LSM11: variants seen among roughly 807,000 people sequenced by gnomAD.
LSM11 encodes the protein U7 snRNA-associated Sm-like protein LSm11.
A neutral mutation model predicts 28.1 loss-of-function variants in LSM11; 14 were observed. That is an observed-to-expected ratio of 0.50 (90% confidence interval 0.33 to 0.78). The LOEUF is 0.78. Ranked by LOEUF, LSM11 falls within the 30% of genes least tolerant of loss-of-function variation. The pLI is 0.02. For missense variants in LSM11, 495 were observed against 510.6 expected (o/e 0.97, Z 0.30); for synonymous variants, 207 against 214.2 (o/e 0.97, Z 0.30).
rs866761872 is a variant in LSM11, at chr5:157,743,776, G to A, written c.26G>A (p.Arg9Lys). Residue 9 changes from arginine (R) to lysine (K), a missense_variant, in exon 1 of 4, where the codon AGG (arginine) becomes AAG (lysine). By Grantham distance (26) the Arg-to-Lys change is conservative. Transcript: ENST00000286307. MEERERGA[R>K]SAGAGSPARP... ...ATGGAGGAGCGGGAGCGGGGGGCGAGGTCGGCTGGCGCCGGGAGCCCCGCG... is the reference window on the plus strand; with the variant it reads ...ATGGAGGAGCGGGAGCGGGGGGCGAAGTCGGCTGGCGCCGGGAGCCCCGCG... 4.9e-6 allele frequency: 7 copies of A among 1,417,018 alleles called. No homozygotes were observed. The highest frequency in any genetic ancestry group is 5.5e-6 in the Non-Finnish European group (6 of 1,087,840). 87.8% of individuals were successfully genotyped at this position (1,417,018 alleles called of 1,614,324 possible).
Position 157,755,130 on chromosome 5 carries a change from A to G in LSM11, c.949A>G (p.Thr317Ala). Residue 317 changes from threonine (T) to alanine (A), a missense_variant, in exon 4 of 4, where the codon ACC becomes GCC. Physicochemically the swap from Thr to Ala is moderately conservative, Grantham distance 58. Coordinates refer to ENST00000286307, the MANE Select transcript of LSM11 (RefSeq NM_173491.4). ...TGTGGGAGGTACCTTTTCCAGGGCTACCACCCTTTCCAGAGGCCAGTCCCG... is the reference window on the plus strand; with the variant it reads ...TGTGGGAGGTACCTTTTCCAGGGCTGCCACCCTTTCCAGAGGCCAGTCCCG... ...SSVGGTFSRA[T>A]TLSRGQSRKK... 1 of 1,614,220 alleles carries G rather than the reference A, an allele frequency of 6.2e-7. No homozygotes were observed. Among genetic ancestry groups the G allele is most frequent in the Non-Finnish European group, 8.5e-7 (1 of 1,180,050 alleles).
chr5:157,745,784 A>G (rs186287385), intron 1 of LSM11, among the ~76,000 whole-genome samples: 148 of 152,296 alleles, frequency 9.7e-4, no homozygotes, highest in Middle Eastern at 6.8e-3. Context: ...AATTTTCACC[A>G]TGGCACTGCA....
At chr5:157,747,598 G>T in intron 1 of LSM11, 1 of 219,492 alleles carries the variant, frequency 4.6e-6, no homozygotes. Context: ...ATTTGTTTGA[G>T]TCCTGTTGTT....
intron 3 of LSM11, 123 bp from the exon 4 acceptor site, chr5:157,754,731 T>TA (rs1407818149): frequency 5.3e-6 from 4 of 757,056 alleles, no homozygotes; most frequent in Admixed American, 6.5e-5. Flanking sequence ...TACTAACTTT[T>TA]AAAAAATTGC....
chr5:157,751,552 G>T, intron 2 of LSM11, 23 bp downstream of exon 2: 2 of 1,606,734 alleles, frequency 1.2e-6, no homozygotes, highest in Non-Finnish European at 1.7e-6. Flanking sequence ...TTCTCAAGGG[G>T]CTGGAGAACC....
In LSM11 at chr5:157,758,466, T is replaced by C. The variant is rs1258065469; in HGVS notation, c.*3202T>C. The C allele has an allele frequency of 6.6e-6, 1 of 152,156 alleles. No homozygotes were observed. Among genetic ancestry groups the C allele is most frequent in the Non-Finnish European group, 1.5e-5 (1 of 68,018 alleles). The allele number at this position is 152,156 out of a possible 1,614,324, so 9.4% of individuals were successfully genotyped here. A position where few individuals can be genotyped will look rare whatever the true frequency, so the allele number is the denominator to read the frequency against. On this transcript the variant is annotated 3_prime_UTR_variant, in exon 4 of 4. Transcript: ENST00000286307. ...AAAGAAAAAGTAGGTCCCAATAATA[T>C]ATGTGCTATTCAAAAAATGTGATCA...
In LSM11 at chr5:157,758,693, G is replaced by C. The variant is rs1452577008; in HGVS notation, c.*3429G>C. The C allele has an allele frequency of 1.3e-5, 2 of 152,118 alleles. No individual in the cohort carries two copies. The highest frequency in any genetic ancestry group is 3.9e-4 in the East Asian group (2 of 5,190). The allele number at this position is 152,118 out of a possible 1,614,324, so 9.4% of individuals were successfully genotyped here. Reference sequence around the variant, plus strand: ...AGAATTCTCCAGGGATTTGGGCTTGGGAAACTTGGTAAGAATAGTTTTTAT... The same window carrying C: ...AGAATTCTCCAGGGATTTGGGCTTGCGAAACTTGGTAAGAATAGTTTTTAT... On this transcript the variant is annotated 3_prime_UTR_variant, in exon 4 of 4. Transcript: ENST00000286307.
In LSM11 at chr5:157,756,566, G is replaced by T. The variant is rs1379144530; in HGVS notation, c.*1302G>T. ...AAAACTTTCCCCTGCTGTATTTGTTGTGTAACATAAATAAGCCTTCTGAGA... is the reference window on the plus strand; with the variant it reads ...AAAACTTTCCCCTGCTGTATTTGTTTTGTAACATAAATAAGCCTTCTGAGA... On this transcript the variant is annotated 3_prime_UTR_variant, in exon 4 of 4. Coordinates refer to ENST00000286307, the MANE Select transcript of LSM11 (RefSeq NM_173491.4). 5 of 152,522 alleles carry T rather than the reference G, an allele frequency of 3.3e-5. No individual in the cohort carries two copies. The highest frequency in any genetic ancestry group is 2.6e-4 in the Admixed American group (4 of 15,272). The allele number at this position is 152,522 out of a possible 1,614,324, so 9.4% of individuals were successfully genotyped here.
intron 1 of LSM11, among the ~76,000 whole-genome samples, chr5:157,750,789 G>A (rs1196624931): frequency 6.6e-6 from 1 of 152,174 alleles, no homozygotes; most frequent in Non-Finnish European, 1.5e-5. Flanking sequence ...CCGTGTGTGT[G>A]TGTGTTTCTC....
At chr5:157,749,596 A>G (rs1051557162) in intron 1 of LSM11, among the ~76,000 whole-genome samples, 2 of 139,544 alleles carry the variant, frequency 1.4e-5, no homozygotes, top group African/African-American at 2.7e-5. Flanking sequence ...GCGCACACAC[A>G]CACACACACA....
At position 157,755,232 on chromosome 5, in the gene LSM11, G is replaced by A. The variant is rs750208712; in HGVS notation, c.1051G>A (p.Glu351Lys). 4 of 1,614,046 alleles carry A rather than the reference G, an allele frequency of 2.5e-6. No homozygotes were observed. The highest frequency in any genetic ancestry group is 3.3e-5 in the Admixed American group (2 of 60,004). ...RHINQIFIRGENVLLVHLAQ is the reference protein window; with the variant it reads ...RHINQIFIRGKNVLLVHLAQ ...CATAAATCAGATTTTCATTCGAGGC[G>A]AGAATGTCCTGCTGGTTCATCTTGC... The change falls in exon 4 of 4, where the codon GAG becomes AAG. Residue 351 changes from glutamate (E) to lysine (K), a missense_variant. Glu to Lys is a moderately conservative substitution (Grantham distance 56). Coordinates refer to ENST00000286307, the MANE Select transcript of LSM11 (RefSeq NM_173491.4).
chr5:157,753,138 T>C (rs1308878460), intron 2 of LSM11, among the ~76,000 whole-genome samples: 1 of 152,202 alleles, frequency 6.6e-6, no homozygotes, highest in Non-Finnish European at 1.5e-5. Context: ...ACACTGTTAG[T>C]AAGTGGAAGT....
Position 157,755,124 on chromosome 5 carries a change from A to G in LSM11, c.943A>G (p.Arg315Gly), listed in dbSNP as rs757024591. The G allele has an allele frequency of 4.3e-6, 7 of 1,614,206 alleles. No individual in the cohort carries two copies. In the South Asian group the frequency reaches 6.6e-5, roughly 15 times the overall value. The change falls in exon 4 of 4, where the codon AGG (arginine) becomes GGG (glycine). Residue 315 changes from arginine to glycine, a missense_variant. Transcript: ENST00000286307. ...DGSSVGGTFS[R>G]ATTLSRGQSR... ...CTCCAGTGTGGGAGGTACCTTTTCC[A>G]GGGCTACCACCCTTTCCAGAGGCCA...
chr5:157,755,061 A>C lies in LSM11; in HGVS notation c.880A>C (p.Arg294=). 1 of 1,614,216 alleles carries C rather than the reference A, an allele frequency of 6.2e-7. No homozygotes were observed. The highest frequency in any genetic ancestry group is 8.5e-7 in the Non-Finnish European group (1 of 1,180,038). ...GCAGGCCTCTGCAAGGGAGGAGTCC[A>C]GGTCAGAGCTGTCAGGGAGGACTAC... The part of the protein sequence containing the change: ...SLQASAREES[R]SELSGRTTRT... The change falls in exon 4 of 4, where the codon AGG becomes CGG. Residue 294 remains arginine, a synonymous_variant. Coordinates refer to ENST00000286307, the MANE Select transcript of LSM11 (RefSeq NM_173491.4).
rs1242802085 is a variant in LSM11, at chr5:157,760,145, G to A, written c.*4881G>A. 6.6e-6 allele frequency: 1 copy of A among 152,168 alleles called. No homozygotes were observed. The highest frequency in any genetic ancestry group is 1.5e-5 in the Non-Finnish European group (1 of 68,032). 9.4% of individuals were successfully genotyped at this position (152,168 alleles called of 1,614,324 possible). A position where few individuals can be genotyped will look rare whatever the true frequency, so the allele number is the denominator to read the frequency against. On this transcript the variant is annotated 3_prime_UTR_variant, in exon 4 of 4. Transcript: ENST00000286307. The stretch of plus-strand genomic sequence containing the variant: ...ACTGTCCCTTAGGAAAGCCATAAAA[G>A]TGATTCCCAATACTTTGCAATTGCT...
rs1761098181 is a variant in LSM11, at chr5:157,743,748, A to C, written c.-3A>C. 7.3e-7 allele frequency: 1 copy of C among 1,369,492 alleles called. No individual in the cohort carries two copies. Among genetic ancestry groups the C allele is most frequent in the Non-Finnish European group, 9.4e-7 (1 of 1,062,058 alleles). 84.8% of individuals were successfully genotyped at this position (1,369,492 alleles called of 1,614,324 possible). ...TCGGCCTCGGCTTGCGGGCCTTTCA[A>C]ACATGGAGGAGCGGGAGCGGGGGGC... On this transcript the variant is annotated 5_prime_UTR_variant, in exon 1 of 4. Transcript: ENST00000286307.
At chr5:157,744,767 A>G (rs1761121007) in intron 1 of LSM11, among the ~76,000 whole-genome samples, 1 of 152,180 alleles carries the variant, frequency 6.6e-6, no homozygotes, top group Non-Finnish European at 1.5e-5. Flanking sequence ...AGATTTGTTC[A>G]GATAGCACAG....
chr5:157,754,687 G>A (rs1330539566), intron 3 of LSM11, among the ~76,000 whole-genome samples, 167 bp from the exon 4 acceptor site: 4 of 80,364 alleles, frequency 5.0e-5, no homozygotes, highest in African/African-American at 2.3e-4. Flanking sequence ...GTGAGACTCC[G>A]TCTCCAAAAA....
rs999867070 is a variant in LSM11, at chr5:157,743,714, T to C, written c.-37T>C. Reference sequence around the variant, plus strand: ...TGCCGCCCTCTGGCGGCTTCGTTCCTTCTTCCCATCGGCCTCGGCTTGCGG... The same window carrying C: ...TGCCGCCCTCTGGCGGCTTCGTTCCCTCTTCCCATCGGCCTCGGCTTGCGG... On this transcript the variant is annotated 5_prime_UTR_variant, in exon 1 of 4. Transcript: ENST00000286307. The C allele has an allele frequency of 1.1e-5, 14 of 1,299,380 alleles. No individual in the cohort carries two copies. The African/African-American group carries it at 2.2e-4, about 20-fold the overall frequency. 80.5% of individuals were successfully genotyped at this position (1,299,380 alleles called of 1,614,324 possible).
Sources: allele counts gnomAD v4.1 joint callset (sites outside exome capture counted in the v4.1 genomes callset), GRCh38; gene constraint gnomAD v4.1.1; transcripts MANE v1.5; gene names NCBI Gene and HGNC (gene_info 2026-07-23, HGNC 2026-07-21).